Variants in TPST2 observed in about 807,000 individuals in gnomAD.
TPST2 encodes the protein tyrosylprotein sulfotransferase 2, also known as protein-tyrosine sulfotransferase 2.
TPST2 carries 16 observed loss-of-function variants against 27.8 expected under a neutral mutation model. That is an observed-to-expected ratio of 0.58 (90% CI 0.39 to 0.88). TPST2 has a LOEUF of 0.88. Among genes scored for constraint, TPST2 ranks in the 40% least tolerant of loss-of-function variants. TPST2 has a pLI of 0.00. For synonymous variants in TPST2, 229 were observed against 231.7 expected, an observed-to-expected ratio of 0.99 and a Z score of 0.10; for missense variants, 464 against 543.1, an observed-to-expected ratio of 0.85 and a Z score of 1.45.
At chr22:26,581,960 CTTTA>C (rs1309686938) in intron 1 of TPST2, among the ~76,000 whole-genome samples, 1 of 152,172 alleles carries the variant, frequency 6.6e-6, no homozygotes, top group African/African-American at 2.4e-5. Flanking sequence ...TCCGATAAAA[CTTTA>C]TTTACAAATA....
intron 1 of TPST2, among the ~76,000 whole-genome samples, chr22:26,571,424 C>T (rs996835711): frequency 6.6e-6 from 1 of 151,904 alleles, no homozygotes; most frequent in African/African-American, 2.4e-5. Context: ...CCTCACCCTG[C>T]GTGATTTTTT....
chr22:26,535,929 A>C (rs1925430408), intron 4 of TPST2: 1 of 379,306 alleles, frequency 2.6e-6, no homozygotes, highest in Non-Finnish European at 5.1e-6. Flanking sequence ...TTATTTATTT[A>C]TACCCCCTCT....
chr22:26,543,863 A>G (rs772680890), intron 2 of TPST2, among the ~76,000 whole-genome samples: 4 of 152,216 alleles, frequency 2.6e-5, no homozygotes, highest in African/African-American at 4.8e-5. Flanking sequence ...CTTGGGACAC[A>G]GAAAGCAGCC....
intron 4 of TPST2, 70 bp from the exon 5 acceptor site, chr22:26,532,815 ACATC>A (rs1205609617): frequency 7.5e-6 from 11 of 1,467,222 alleles, no homozygotes; most frequent in South Asian, 7.0e-5. Context: ...CATTCCCAAC[ACATC>A]CAGTCATCCA....
intron 1 of TPST2, among the ~76,000 whole-genome samples, chr22:26,560,342 T>G (rs532068915): frequency 6.6e-6 from 1 of 152,264 alleles, no homozygotes; most frequent in African/African-American, 2.4e-5. Flanking sequence ...TTAACCTCTG[T>G]GGTCATCAGG....
intron 4 of TPST2, among the ~76,000 whole-genome samples, chr22:26,535,650 C>T (rs1925413737): frequency 6.6e-6 from 1 of 152,072 alleles, no homozygotes; most frequent in Non-Finnish European, 1.5e-5. Flanking sequence ...GTGGCGTGCA[C>T]CTGCAGTCCT....
intron 3 of TPST2, 53 bp downstream of exon 3, chr22:26,540,736 G>T: frequency 6.7e-7 from 1 of 1,488,096 alleles, no homozygotes; most frequent in Non-Finnish European, 8.9e-7. Flanking sequence ...CTTGCCTGGC[G>T]CCTCTGACTC....
At chr22:26,542,068 C>G (rs1402129586) in intron 2 of TPST2, among the ~76,000 whole-genome samples, 2 of 151,758 alleles carry the variant, frequency 1.3e-5, no homozygotes, top group Non-Finnish European at 2.9e-5. Flanking sequence ...ACGGTGATAT[C>G]CCATCTCTAC....
chr22:26,569,943 C>G (rs1927536265), intron 1 of TPST2, among the ~76,000 whole-genome samples: 1 of 95,808 alleles, frequency 1.0e-5, no homozygotes, highest in Non-Finnish European at 2.0e-5. Context: ...CAGAGCAAGA[C>G]TCTGTCAAAA....
chr22:26,558,613 G>A (rs1182495587), intron 1 of TPST2, among the ~76,000 whole-genome samples: 1 of 152,170 alleles, frequency 6.6e-6, no homozygotes, highest in African/African-American at 2.4e-5. Context: ...CTCTTGGGGT[G>A]GGCTTGCTGG....
rs1925683548 is a variant in TPST2 at position 26,539,664 on chromosome 22, G to T, written c.842+1125C>A. On this transcript the variant is annotated intron_variant, in intron 3 of 6. Transcript: ENST00000338754. ...CTCGCCTGTAGTCCCAACTACTCGG[G>T]AGACTGAGGTGGGAGAATTGCTTGA... Among the ~76,000 whole-genome samples, 4 of 152,108 alleles carry T rather than the reference G, an allele frequency of 2.6e-5. No homozygotes were observed. In the South Asian group the frequency reaches 6.2e-4, roughly 24 times the overall value.
chr22:26,534,526 G>A (rs911561582), intron 4 of TPST2, among the ~76,000 whole-genome samples: 5 of 152,184 alleles, frequency 3.3e-5, no homozygotes, highest in Admixed American at 2.0e-4. Flanking sequence ...AATACATAAA[G>A]TCAGGCTTTA....
intron 3 of TPST2, among the ~76,000 whole-genome samples, chr22:26,538,428 T>C (rs1925600956): frequency 6.6e-6 from 1 of 152,230 alleles, no homozygotes. Flanking sequence ...CAATGCTTGA[T>C]ACATATCAGT....
chr22:26,529,017 C>T (rs914569783), intron 5 of TPST2, among the ~76,000 whole-genome samples: 3 of 149,706 alleles, frequency 2.0e-5, no homozygotes, highest in Non-Finnish European at 4.5e-5. Flanking sequence ...AAAAACAAAA[C>T]GTATCTTTTG....
chr22:26,553,560 G>T (rs906870862), intron 1 of TPST2, among the ~76,000 whole-genome samples: 7 of 151,892 alleles, frequency 4.6e-5, no homozygotes, highest in Non-Finnish European at 7.4e-5. Context: ...TTGTGGAGAC[G>T]GGGTCTCACT....
intron 1 of TPST2, among the ~76,000 whole-genome samples, chr22:26,586,112 T>G (rs1411109996): frequency 1.3e-5 from 2 of 151,972 alleles, no homozygotes; most frequent in African/African-American, 4.8e-5. Flanking sequence ...CACCACCACA[T>G]CTTAGTTCTG....
chr22:26,536,092 G>A, intron 4 of TPST2, 196 bp downstream of exon 4: 1 of 767,024 alleles, frequency 1.3e-6, no homozygotes, highest in South Asian at 1.5e-5. Flanking sequence ...CTACCAGTTG[G>A]CTTTGAGCTT....
chr22:26,542,698 G>A (rs1411032137), intron 2 of TPST2, among the ~76,000 whole-genome samples: 1 of 152,168 alleles, frequency 6.6e-6, no homozygotes, highest in Non-Finnish European at 1.5e-5. Context: ...GAAACAGGCA[G>A]GTGGAGAAGG....
At chr22:26,546,175 C>T (rs1926113560) in intron 1 of TPST2, among the ~76,000 whole-genome samples, 1 of 152,132 alleles carries the variant, frequency 6.6e-6, no homozygotes, top group Non-Finnish European at 1.5e-5. Flanking sequence ...CTTGGTCCTC[C>T]ATTCCTTCCT....
Sources: gnomAD v4.1 joint callset for allele counts (sites outside exome capture counted in the v4.1 genomes callset) on GRCh38, gnomAD v4.1.1 for gene constraint, MANE v1.5 for transcripts, NCBI Gene and HGNC (gene_info 2026-07-23, HGNC 2026-07-21) for gene names.